Variants in EPOP observed in about 807,000 individuals in gnomAD.
EPOP encodes the protein elongin BC and Polycomb repressive complex 2-associated protein.
A neutral mutation model predicts 18.2 loss-of-function variants in EPOP; 14 were observed. That is an observed-to-expected ratio of 0.77 (90% CI 0.51 to 1.20). EPOP has a LOEUF of 1.20. Among genes scored for constraint, EPOP ranks in the 50% most tolerant of loss-of-function variants. The pLI, the probability that EPOP is intolerant of heterozygous loss-of-function variation, is 0.00. For missense variants in EPOP, 527 were observed against 577.2 expected (o/e 0.91, Z 0.89); for synonymous variants, 252 against 274.9 (o/e 0.92, Z 0.83).
Position 38,671,816 on chromosome 17 carries a change from T to C in EPOP, c.*1540A>G, listed in dbSNP as rs1910956909. 6.6e-6 allele frequency: 1 copy of C among 152,212 alleles called. No homozygotes were observed. Among genetic ancestry groups the C allele is most frequent in the Admixed American group, 6.5e-5 (1 of 15,274 alleles). 9.4% of individuals were successfully genotyped at this position (152,212 alleles called of 1,614,324 possible). On this transcript the variant is annotated 3_prime_UTR_variant, in exon 1 of 1. Transcript: ENST00000621654. ...TTTTCACAGAAAAGGAGACAAGTCCTTCCCCAGCGTGGGAATTGTTCCTCT... is the reference window on the plus strand; with the variant it reads ...TTTTCACAGAAAAGGAGACAAGTCCCTCCCCAGCGTGGGAATTGTTCCTCT...
Position 38,673,976 on chromosome 17 carries a change from G to A in EPOP, c.520C>T (p.Pro174Ser), listed in dbSNP as rs1276887507. Reference protein sequence around the residue: ...LEPQRGPAASPPQEPSSRPPS... With the variant: ...LEPQRGPAASSPQEPSSRPPS... ...GGCCGGGAACTGGGTTCCTGAGGCG[G>A]GCTGGCGGCTGGGCCACGCTGAGGC... is the stretch of plus-strand genomic sequence containing the variant. The change falls in exon 1 of 1, where the codon CCG becomes TCG. Residue 174 changes from proline to serine, a missense_variant. Pro to Ser is a moderately conservative substitution (Grantham distance 74). Coordinates refer to ENST00000621654, the MANE Select transcript of EPOP (RefSeq NM_001130677.2). The A allele has an allele frequency of 1.4e-6, 2 of 1,398,578 alleles. No homozygotes were observed. Among genetic ancestry groups the A allele is most frequent in the Middle Eastern group, 2.2e-4 (1 of 4,508 alleles). The allele number at this position is 1,398,578 out of a possible 1,614,324, so 86.6% of individuals were successfully genotyped here. A position where few individuals can be genotyped will look rare whatever the true frequency, so the allele number is the denominator to read the frequency against.
chr17:38,673,336 C>T lies in EPOP; in HGVS notation c.*20G>A. The T allele has an allele frequency of 6.6e-7, 1 of 1,508,482 alleles. No homozygotes were observed. Among genetic ancestry groups the T allele is most frequent in the Non-Finnish European group, 8.9e-7 (1 of 1,128,604 alleles). 93.4% of individuals were successfully genotyped at this position (1,508,482 alleles called of 1,614,324 possible). ...TTTGGCCATGGTCCCAACTTTTCCC[C>T]TTTGGCAGAAGTCCCACGGTCAGCT... On this transcript the variant is annotated 3_prime_UTR_variant, in exon 1 of 1. Coordinates refer to ENST00000621654, the MANE Select transcript of EPOP (RefSeq NM_001130677.2).
In EPOP at chr17:38,672,545, G is replaced by A. The variant is rs1305466403; in HGVS notation, c.*811C>T. On this transcript the variant is annotated 3_prime_UTR_variant, in exon 1 of 1. Transcript: ENST00000621654. ...GGCAAAGTAAGCACTTTCCAGGAGAGGAGGTCCCTCAGCCCTACCCGTCCT... is the reference window on the plus strand; with the variant it reads ...GGCAAAGTAAGCACTTTCCAGGAGAAGAGGTCCCTCAGCCCTACCCGTCCT... The A allele has an allele frequency of 6.6e-6, 1 of 152,358 alleles. No homozygotes were observed. The highest frequency in any genetic ancestry group is 1.9e-4 in the East Asian group (1 of 5,172). 9.4% of individuals were successfully genotyped at this position (152,358 alleles called of 1,614,324 possible). A position where few individuals can be genotyped will look rare whatever the true frequency, so the allele number is the denominator to read the frequency against.
Position 38,673,863 on chromosome 17 carries a change from G to A in EPOP, c.633C>T (p.Val211=), listed in dbSNP as rs1309212231. The change falls in exon 1 of 1, where the codon GTC becomes GTT. Residue 211 remains valine (V), a synonymous_variant. Transcript: ENST00000621654. ...RPFLPGQPAE[V]DGNPPPAAPE... ...GGGCGGCCGGCGGGGGGTTTCCATC[G>A]ACTTCGGCAGGCTGGCCGGGCAGGA... 6.9e-7 allele frequency: 1 copy of A among 1,455,274 alleles called. No individual in the cohort carries two copies. The highest frequency in any genetic ancestry group is 9.1e-7 in the Non-Finnish European group (1 of 1,104,354). The allele number at this position is 1,455,274 out of a possible 1,614,324, so 90.1% of individuals were successfully genotyped here. A position where few individuals can be genotyped will look rare whatever the true frequency, so the allele number is the denominator to read the frequency against.
chr17:38,673,124 G>T lies in EPOP; in HGVS notation c.*232C>A. The T allele has an allele frequency of 1.7e-6, 1 of 595,660 alleles. No individual in the cohort carries two copies. The highest frequency in any genetic ancestry group is 2.6e-6 in the Non-Finnish European group (1 of 387,008). 36.9% of individuals were successfully genotyped at this position (595,660 alleles called of 1,614,324 possible). A position where few individuals can be genotyped will look rare whatever the true frequency, so the allele number is the denominator to read the frequency against. ...GAAGGAGGCAGGGATTGGAATCTAT[G>T]TCATCAGCCTTCTCCCGACTCCAGC... On this transcript the variant is annotated 3_prime_UTR_variant, in exon 1 of 1. Coordinates refer to ENST00000621654, the MANE Select transcript of EPOP (RefSeq NM_001130677.2).
chr17:38,673,017 T>C lies in EPOP; in HGVS notation c.*339A>G, dbSNP rs901225224. ...CGAGGTCTCTCTCTTCTCCCCTTTT[T>C]TTTGGGTGGGGGGGTGTCTTTGAGC... On this transcript the variant is annotated 3_prime_UTR_variant, in exon 1 of 1. Transcript: ENST00000621654. The C allele has an allele frequency of 3.9e-6, 1 of 255,006 alleles. No homozygotes were observed. Among genetic ancestry groups the C allele is most frequent in the African/African-American group, 2.2e-5 (1 of 44,782 alleles). The allele number at this position is 255,006 out of a possible 1,614,324, so 15.8% of individuals were successfully genotyped here.
chr17:38,673,381 C>T lies in EPOP; in HGVS notation c.1115G>A (p.Trp372Ter). The T allele has an allele frequency of 1.4e-6, 2 of 1,480,500 alleles. No homozygotes were observed. The highest frequency in any genetic ancestry group is 1.8e-6 in the Non-Finnish European group (2 of 1,115,364). The allele number at this position is 1,480,500 out of a possible 1,614,324, so 91.7% of individuals were successfully genotyped here. ...TCAGCTTTCATCCATGTTGATCCCC[C>T]AGAATTTGAGGCCAGGGGGCTCAGG... Reference protein sequence around the residue: ...AVPEPPGLKFWGINMDES With the variant: ...AVPEPPGLKF The change falls in exon 1 of 1, where the codon TGG becomes TAG. Residue 372 changes from tryptophan to a stop codon, truncating the protein, a stop_gained. Transcript: ENST00000621654. LOFTEE classifies it high-confidence loss of function.
rs1295663883 is a variant in EPOP, at chr17:38,673,698, C to G, written c.798G>C (p.Pro266=). ...GCCGCTCTGGCCCCCGGCGCAAACTCGGAGTGTCCAAGGCGAAGCCCTTCG... is the reference window on the plus strand; with the variant it reads ...GCCGCTCTGGCCCCCGGCGCAAACTGGGAGTGTCCAAGGCGAAGCCCTTCG... ...CYAKGFALDT[P]SLRRGPERPP... The change falls in exon 1 of 1, where the codon CCG becomes CCC. Residue 266 remains proline, a synonymous_variant. Coordinates refer to ENST00000621654, the MANE Select transcript of EPOP (RefSeq NM_001130677.2). The G allele has an allele frequency of 4.6e-6, 7 of 1,533,288 alleles. No individual in the cohort carries two copies. Among genetic ancestry groups the G allele is most frequent in the Non-Finnish European group, 6.1e-6 (7 of 1,140,358 alleles). 95.0% of individuals were successfully genotyped at this position (1,533,288 alleles called of 1,614,324 possible). A position where few individuals can be genotyped will look rare whatever the true frequency, so the allele number is the denominator to read the frequency against.
At position 38,672,198 on chromosome 17, in the gene EPOP, T is replaced by TCCCCCC. The variant is rs1910967567; in HGVS notation, c.*1157_*1158insGGGGGG. ...TCCCGCAATCCCTGAGGCTGGGGTG[T>TCCCCCC]TGCGGGGGGAAGCTTAAGGTACCTC... On this transcript the variant is annotated 3_prime_UTR_variant, in exon 1 of 1. Coordinates refer to ENST00000621654, the MANE Select transcript of EPOP (RefSeq NM_001130677.2). 2 of 152,256 alleles carry TCCCCCC rather than the reference T, an allele frequency of 1.3e-5. No individual in the cohort carries two copies. Among genetic ancestry groups the TCCCCCC allele is most frequent in the Non-Finnish European group, 2.9e-5 (2 of 68,100 alleles). The allele number at this position is 152,256 out of a possible 1,614,324, so 9.4% of individuals were successfully genotyped here.
chr17:38,674,114 G>A lies in EPOP; in HGVS notation c.382C>T (p.His128Tyr). Residue 128 changes from histidine (H) to tyrosine (Y), a missense_variant, in exon 1 of 1, where the codon CAC becomes TAC. By Grantham distance (83) the His-to-Tyr change is moderately conservative (BLOSUM62 2). Coordinates refer to ENST00000621654, the MANE Select transcript of EPOP (RefSeq NM_001130677.2). The surrounding 1 kb of genome is among the most constrained non-coding windows in gnomAD (Gnocchi z 4.5). ...GGTGCACAGGAGCGAACGCCGAAGT[G>A]CGGGAAACCGCCTCCGCCCTCTTCC... ...EEEEGGGGFPHFGVRSCAPPG... is the reference protein window; with the variant it reads ...EEEEGGGGFPYFGVRSCAPPG... 2 of 1,452,092 alleles carry A rather than the reference G, an allele frequency of 1.4e-6. No homozygotes were observed. Among genetic ancestry groups the A allele is most frequent in the South Asian group, 1.4e-5 (1 of 72,766 alleles). The allele number at this position is 1,452,092 out of a possible 1,614,324, so 90.0% of individuals were successfully genotyped here.
In EPOP at chr17:38,674,299, C is replaced by T; in HGVS notation, c.197G>A (p.Arg66Gln). 6.6e-7 allele frequency: 1 copy of T among 1,522,584 alleles called. No individual in the cohort carries two copies. The highest frequency in any genetic ancestry group is 2.0e-5 in the Admixed American group (1 of 48,912). 94.3% of individuals were successfully genotyped at this position (1,522,584 alleles called of 1,614,324 possible). A position where few individuals can be genotyped will look rare whatever the true frequency, so the allele number is the denominator to read the frequency against. ...CTGAGGGCCCCGCAGCACTGGGGAC[C>T]GCGCCGCCAGCTCCCCAGGCCCCGG... ...LGPGPGELAARSPVLRGPQAP... is the reference protein window; with the variant it reads ...LGPGPGELAAQSPVLRGPQAP... The change falls in exon 1 of 1, where the codon CGG becomes CAG. Residue 66 changes from arginine to glutamine, a missense_variant. Transcript: ENST00000621654. This position sits in a 1 kb window ranked among gnomAD's most constrained non-coding sequence, Gnocchi z 4.5.
At position 38,674,158 on chromosome 17, in the gene EPOP, C is replaced by T; in HGVS notation, c.338G>A (p.Cys113Tyr). The change falls in exon 1 of 1, where the codon TGC becomes TAC. Residue 113 changes from cysteine (C) to tyrosine (Y), a missense_variant. Transcript: ENST00000621654. The surrounding 1 kb of genome is among the most constrained non-coding windows in gnomAD (Gnocchi z 4.5). Reference protein sequence around the residue: ...AAGEDADVAACPRRGEEEEGG... With the variant: ...AAGEDADVAAYPRRGEEEEGG... ...CTCTTCCTCCTCTCCGCGGCGGGGG[C>T]ACGCTGCGACGTCCGCATCCTCGCC... 1 of 1,432,294 alleles carries T rather than the reference C, an allele frequency of 7.0e-7. No individual in the cohort carries two copies. The highest frequency in any genetic ancestry group is 9.1e-7 in the Non-Finnish European group (1 of 1,104,606). The allele number at this position is 1,432,294 out of a possible 1,614,324, so 88.7% of individuals were successfully genotyped here.
At position 38,674,424 on chromosome 17, in the gene EPOP, C is replaced by G; in HGVS notation, c.72G>C (p.Thr24=). The G allele has an allele frequency of 6.5e-7, 1 of 1,541,924 alleles. No homozygotes were observed. The highest frequency in any genetic ancestry group is 1.2e-5 in the South Asian group (1 of 83,816). ...GGGTCCCCCGACACGGCTTCCGGGG[C>G]GTGGGGGAGCAGGGCGACCCTCGCG... The part of the protein sequence containing the change: ...ASPRGSPCSP[T]PRKPCRGTQE... Residue 24 remains threonine, a synonymous_variant, in exon 1 of 1, where the codon ACG becomes ACC. Transcript: ENST00000621654. The surrounding 1 kb of genome is among the most constrained non-coding windows in gnomAD (Gnocchi z 4.5).
In EPOP at chr17:38,672,392, T is replaced by A. The variant is rs558994935; in HGVS notation, c.*964A>T. 4 of 152,356 alleles carry A rather than the reference T, an allele frequency of 2.6e-5. No homozygotes were observed. In the East Asian group the frequency reaches 7.7e-4, roughly 29 times the overall value. 9.4% of individuals were successfully genotyped at this position (152,356 alleles called of 1,614,324 possible). ...TCCAAAGAATGGACTTGGGCCTGCC[T>A]TCCACCTCCACCCCCTCTCATCCAT... is the stretch of plus-strand genomic sequence containing the variant. On this transcript the variant is annotated 3_prime_UTR_variant, in exon 1 of 1. Coordinates refer to ENST00000621654, the MANE Select transcript of EPOP (RefSeq NM_001130677.2).
At position 38,673,583 on chromosome 17, in the gene EPOP, G is replaced by A. The variant is rs1172769129; in HGVS notation, c.913C>T (p.Pro305Ser). The A allele has an allele frequency of 2.7e-6, 4 of 1,478,320 alleles. No homozygotes were observed. In the African/African-American group the frequency reaches 5.8e-5, roughly 22 times the overall value. The allele number at this position is 1,478,320 out of a possible 1,614,324, so 91.6% of individuals were successfully genotyped here. Residue 305 changes from proline (P) to serine (S), a missense_variant, in exon 1 of 1, where the codon CCG becomes TCG. By Grantham distance (74) the Pro-to-Ser change is moderately conservative. Coordinates refer to ENST00000621654, the MANE Select transcript of EPOP (RefSeq NM_001130677.2). Reference sequence around the variant, plus strand: ...AAGGTGCTCGTGGTGGGGAGCGTCGGTGCAGGGCGGCGGGGCTGCGCGGTG... The same window carrying A: ...AAGGTGCTCGTGGTGGGGAGCGTCGATGCAGGGCGGCGGGGCTGCGCGGTG... ...PRTAQPRRPA[P>S]TLPTTSTFSL... is the part of the protein sequence containing the mutation.
chr17:38,673,178 G>A lies in EPOP; in HGVS notation c.*178C>T. 1 of 1,137,138 alleles carries A rather than the reference G, an allele frequency of 8.8e-7. No individual in the cohort carries two copies. The highest frequency in any genetic ancestry group is 1.2e-6 in the Non-Finnish European group (1 of 856,022). 70.4% of individuals were successfully genotyped at this position (1,137,138 alleles called of 1,614,324 possible). Reference sequence around the variant, plus strand: ...GGGTTCCTCTGCAAAGGATGAGGGGGAGGGACTGTCACCCCGAAAACTTAG... The same window carrying A: ...GGGTTCCTCTGCAAAGGATGAGGGGAAGGGACTGTCACCCCGAAAACTTAG... On this transcript the variant is annotated 3_prime_UTR_variant, in exon 1 of 1. Transcript: ENST00000621654.
rs1181538632 is a variant in EPOP at position 38,674,355 on chromosome 17, G to A, written c.141C>T (p.Ala47=). Residue 47 remains alanine, a synonymous_variant, in exon 1 of 1, where the codon GCC becomes GCT. Coordinates refer to ENST00000621654, the MANE Select transcript of EPOP (RefSeq NM_001130677.2). This position sits in a 1 kb window ranked among gnomAD's most constrained non-coding sequence, Gnocchi z 4.5. ...PLCLRALAFC[A]LAKPRASSLG... ...GAGAGGACGCCCGGGGCTTGGCAAG[G>A]GCGCAGAAGGCGAGGGCACGCAGGC... 3.2e-6 allele frequency: 5 copies of A among 1,542,116 alleles called. No homozygotes were observed. In the South Asian group the frequency reaches 6.0e-5, roughly 18 times the overall value.
Position 38,674,398 on chromosome 17 carries a change from T to G in EPOP, c.98A>C (p.Gln33Pro). 1 of 1,543,658 alleles carries G rather than the reference T, an allele frequency of 6.5e-7. No homozygotes were observed. The highest frequency in any genetic ancestry group is 8.7e-7 in the Non-Finnish European group (1 of 1,146,154). The change falls in exon 1 of 1, where the codon CAG becomes CCG. Residue 33 changes from glutamine to proline, a missense_variant. Gln to Pro is a moderately conservative substitution (Grantham distance 76, BLOSUM62 -1). Transcript: ENST00000621654. The surrounding 1 kb of genome is among the most constrained non-coding windows in gnomAD (Gnocchi z 4.5). ...ACGCAGGCACAGCGGAGAGAATTCC[T>G]GGGTCCCCCGACACGGCTTCCGGGG... ...PTPRKPCRGT[Q>P]EFSPLCLRAL...
In EPOP at chr17:38,674,475, C is replaced by T. The variant is rs1449541998; in HGVS notation, c.21G>A (p.Ala7=). Residue 7 remains alanine (A), a synonymous_variant, in exon 1 of 1, where the codon GCG becomes GCA. Transcript: ENST00000621654. This position sits in a 1 kb window ranked among gnomAD's most constrained non-coding sequence, Gnocchi z 4.5. The part of the protein sequence containing the change: METLCP[A]PRLAVPASPR... ...GGGACGCCGGCACTGCCAGGCGGGG[C>T]GCAGGGCACAGGGTCTCCATGGAGC... 6.5e-7 allele frequency: 1 copy of T among 1,535,756 alleles called. No homozygotes were observed. Among genetic ancestry groups the T allele is most frequent in the Non-Finnish European group, 8.7e-7 (1 of 1,144,706 alleles).
Sources: allele counts gnomAD v4.1 joint callset, GRCh38; gene constraint gnomAD v4.1.1; non-coding constraint Gnocchi (gnomAD v3.1); transcripts MANE v1.5; gene names NCBI Gene and HGNC (gene_info 2026-07-23, HGNC 2026-07-21).